The following ALG14 variants were observed in gnomAD, a reference collection of about 807,000 sequenced individuals.
ALG14 encodes UDP-N-acetylglucosamine transferase subunit ALG14.
Under a neutral mutation model 22.8 loss-of-function variants are expected in ALG14, and 17 were observed. The ratio of observed to expected loss-of-function variants is 0.75; its 90% CI spans 0.51 to 1.12. The LOEUF is 1.12. Among genes scored for constraint, ALG14 ranks in the 50% most tolerant of loss-of-function variants. ALG14 has a pLI of 0.00. For synonymous variants in ALG14, 89 were observed against 103.7 expected, an observed-to-expected ratio of 0.86 and a Z score of 0.86; for missense variants, 288 against 271.8, an observed-to-expected ratio of 1.06 and a Z score of -0.42.
rs998725558 is a variant in ALG14 at position 94,980,111 on chromosome 1, C to T, written c.*2965G>A. On this transcript the variant is annotated 3_prime_UTR_variant, in exon 4 of 4. Coordinates refer to ENST00000370205, the MANE Select transcript of ALG14 (RefSeq NM_144988.4). Reference sequence around the variant, plus strand: ...CAAGGAACTGTATAGTAAAGGGGTACGTTTCTCAATTTTAACTTACCATGT... The same window carrying T: ...CAAGGAACTGTATAGTAAAGGGGTATGTTTCTCAATTTTAACTTACCATGT... 2.0e-4 allele frequency: 30 copies of T among 151,046 alleles called. No homozygotes were observed. The highest frequency in any genetic ancestry group is 6.3e-4 in the African/African-American group (26 of 41,192). The allele number at this position is 151,046 out of a possible 1,614,324, so 9.4% of individuals were successfully genotyped here. A position where few individuals can be genotyped will look rare whatever the true frequency, so the allele number is the denominator to read the frequency against.
At chr1:95,042,869 T>C (rs1571644144) in intron 2 of ALG14, among the ~76,000 whole-genome samples, 1 of 152,336 alleles carries the variant, frequency 6.6e-6, no homozygotes, top group East Asian at 1.9e-4. Flanking sequence ...ACTTTTCCCA[T>C]TTCCTTGTTC....
Position 94,980,807 on chromosome 1 carries a change from C to T in ALG14, c.*2269G>A, listed in dbSNP as rs1292928477. 1 of 152,238 alleles carries T rather than the reference C, an allele frequency of 6.6e-6. No individual in the cohort carries two copies. Among genetic ancestry groups the T allele is most frequent in the Non-Finnish European group, 1.5e-5 (1 of 68,060 alleles). The allele number at this position is 152,238 out of a possible 1,614,324, so 9.4% of individuals were successfully genotyped here. A position where few individuals can be genotyped will look rare whatever the true frequency, so the allele number is the denominator to read the frequency against. ...CTATGAAAGATATAACATTTCTAAACTTTTGGTGATATAACACATACACAT... is the reference window on the plus strand; with the variant it reads ...CTATGAAAGATATAACATTTCTAAATTTTTGGTGATATAACACATACACAT... On this transcript the variant is annotated 3_prime_UTR_variant, in exon 4 of 4. Transcript: ENST00000370205.
chr1:95,031,584 C>A (rs115657804), intron 2 of ALG14, among the ~76,000 whole-genome samples: 1,611 of 152,292 alleles, frequency 0.011, 16 homozygotes, highest in Non-Finnish European at 0.017. Context: ...CACATCCCCC[C>A]ACCATTGTAG....
At position 94,983,266 on chromosome 1, in the gene ALG14, A is replaced by G; in HGVS notation, c.461T>C (p.Val154Ala). 1 of 1,614,194 alleles carries G rather than the reference A, an allele frequency of 6.2e-7. No individual in the cohort carries two copies. Among genetic ancestry groups the G allele is most frequent in the Non-Finnish European group, 8.5e-7 (1 of 1,180,026 alleles). The change falls in exon 4 of 4, where the codon GTA becomes GCA. Residue 154 changes from valine to alanine, a missense_variant. Val to Ala is a moderately conservative substitution (Grantham distance 64). Coordinates refer to ENST00000370205, the MANE Select transcript of ALG14 (RefSeq NM_144988.4). ...TAGTATCCCAAGGAGAAGGGCAGAT[A>G]CACAGATAGGAACACATGTTCCTGG... is the stretch of plus-strand genomic sequence containing the variant. ...NGPGTCVPIC[V>A]SALLLGILGI...
At chr1:94,995,296 A>G (rs886981036) in intron 3 of ALG14, among the ~76,000 whole-genome samples, 1 of 152,194 alleles carries the variant, frequency 6.6e-6, no homozygotes, top group Non-Finnish European at 1.5e-5. Flanking sequence ...TGAGAGAGAG[A>G]TACAGATATA....
At chr1:95,013,609 G>GT (rs1210944637) in intron 3 of ALG14, among the ~76,000 whole-genome samples, 1 of 152,126 alleles carries the variant, frequency 6.6e-6, no homozygotes, top group African/African-American at 2.4e-5. Flanking sequence ...GTGAGCCAAC[G>GT]TGCCTGGCCA....
chr1:95,039,835 G>A (rs1674324558), intron 2 of ALG14, among the ~76,000 whole-genome samples: 2 of 152,094 alleles, frequency 1.3e-5, no homozygotes, highest in South Asian at 4.1e-4. Context: ...ACAGCCTGGA[G>A]CAGAAGCCTC....
intron 2 of ALG14, among the ~76,000 whole-genome samples, chr1:95,062,839 G>C (rs1675214045): frequency 6.6e-6 from 1 of 152,114 alleles, no homozygotes; most frequent in Non-Finnish European, 1.5e-5. Flanking sequence ...TAGGTCAAGT[G>C]GTATTTCTGC....
chr1:95,019,701 C>A (rs1343396367), intron 3 of ALG14, among the ~76,000 whole-genome samples: 1 of 152,102 alleles, frequency 6.6e-6, no homozygotes, highest in African/African-American at 2.4e-5. Flanking sequence ...GATAACCTGG[C>A]CGGGCACAGT....
intron 1 of ALG14, among the ~76,000 whole-genome samples, chr1:95,070,657 GA>G (rs1312004786): frequency 6.6e-6 from 1 of 152,132 alleles, no homozygotes; most frequent in Non-Finnish European, 1.5e-5. Flanking sequence ...TGAGCCCTTT[GA>G]TTATTTTAGG....
At chr1:95,019,703 G>A (rs558678086) in intron 3 of ALG14, among the ~76,000 whole-genome samples, 5 of 152,244 alleles carry the variant, frequency 3.3e-5, no homozygotes, top group East Asian at 3.9e-4. Flanking sequence ...TAACCTGGCC[G>A]GGCACAGTGG....
chr1:95,070,683 C>G (rs1392391219), intron 1 of ALG14, among the ~76,000 whole-genome samples: 1 of 152,190 alleles, frequency 6.6e-6, no homozygotes, highest in Non-Finnish European at 1.5e-5. Context: ...CACTATATGT[C>G]AAGCACTTTA....
intron 2 of ALG14, among the ~76,000 whole-genome samples, chr1:95,058,115 G>A (rs1466151556): frequency 4.7e-5 from 7 of 150,278 alleles, no homozygotes; most frequent in African/African-American, 1.5e-4. Context: ...GTGAAAACCC[G>A]CCTCTACTAA....
At chr1:95,038,304 C>T (rs189918005) in intron 2 of ALG14, among the ~76,000 whole-genome samples, 1 of 152,280 alleles carries the variant, frequency 6.6e-6, no homozygotes, top group Non-Finnish European at 1.5e-5. Context: ...TCCTGGCCAA[C>T]ATAGTAAAAC....
rs766071997 is a variant in ALG14 at position 95,064,919 on chromosome 1, T to C, written c.235A>G (p.Asn79Asp). Reference sequence around the variant, plus strand: ...TCTAGTTCAAAAGAATTTATTTTATTGGCACTCATTTCATCAGTGTCAGCA... The same window carrying C: ...TCTAGTTCAAAAGAATTTATTTTATCGGCACTCATTTCATCAGTGTCAGCA... ...VIADTDEMSA[N>D]KINSFELDRA... Residue 79 changes from asparagine (N) to aspartate (D), a missense_variant, in exon 2 of 4, where the codon AAT becomes GAT. Coordinates refer to ENST00000370205, the MANE Select transcript of ALG14 (RefSeq NM_144988.4). 4 of 1,614,070 alleles carry C rather than the reference T, an allele frequency of 2.5e-6. No individual in the cohort carries two copies. The South Asian group carries it at 3.3e-5, about 13-fold the overall frequency.
At position 95,058,616 on chromosome 1, in the gene ALG14, T is replaced by TA. The variant is rs61435505; in HGVS notation, c.288+6249dup. On this transcript the variant is annotated intron_variant, in intron 2 of 3. Transcript: ENST00000370205. ...TGGACAACAGAGTGAGATTCATTCT[T>TA]AAAAAAAAAAAAAAAAAAAAGATAC... 4.0e-3 allele frequency among the ~76,000 whole-genome samples: 395 copies of TA among 99,184 alleles called. 2 individuals are homozygous for TA. Among genetic ancestry groups the TA allele is most frequent in the Middle Eastern group, 6.6e-3 (1 of 152 alleles). The allele number at this position is 99,184 out of a possible 152,430, so 65.1% of individuals were successfully genotyped here.
chr1:94,998,651 C>G (rs1290262406), intron 3 of ALG14, among the ~76,000 whole-genome samples: 1 of 152,198 alleles, frequency 6.6e-6, no homozygotes, highest in Non-Finnish European at 1.5e-5. Context: ...ATGCTGTAGT[C>G]TCAGGCTGTC....
chr1:95,038,355 A>G lies in ALG14; in HGVS notation c.289-11095T>C, dbSNP rs564529001. ...AATACAAAAATTAGCTGGGTATGGT[A>G]GCACGTGCCTGTAGTCCCAGCTACT... On this transcript the variant is annotated intron_variant, in intron 2 of 3. Coordinates refer to ENST00000370205, the MANE Select transcript of ALG14 (RefSeq NM_144988.4). Among the ~76,000 whole-genome samples, 27 of 152,168 alleles carry G rather than the reference A, an allele frequency of 1.8e-4. No individual in the cohort carries two copies. The South Asian group carries it at 4.4e-3, about 25-fold the overall frequency.
chr1:95,056,255 C>CCCCTATTT (rs1371121240), intron 2 of ALG14, among the ~76,000 whole-genome samples: 2 of 152,164 alleles, frequency 1.3e-5, no homozygotes, highest in African/African-American at 2.4e-5. Flanking sequence ...ATAAATGGTG[C>CCCCTATTT]TGGGCTGGGC....
Sources: allele counts gnomAD v4.1 joint callset (sites outside exome capture counted in the v4.1 genomes callset), GRCh38; gene constraint gnomAD v4.1.1; transcripts MANE v1.5; gene names NCBI Gene and HGNC (gene_info 2026-07-23, HGNC 2026-07-21).